The following SIPA1L3 variants were observed in gnomAD, a reference collection of about 807,000 sequenced individuals.
The protein encoded by SIPA1L3 is signal-induced proliferation-associated 1-like protein 3.
In SIPA1L3, 59 loss-of-function variants were observed where a neutral mutation model predicts 150.1. That is an observed-to-expected ratio of 0.39 (90% CI 0.32 to 0.49). The LOEUF (loss-of-function observed/expected upper bound fraction) is 0.49. Ranked by LOEUF, SIPA1L3 falls within the 20% of genes least tolerant of loss-of-function variation. The probability of loss-of-function intolerance (pLI) is 0.86; values close to 1 mark genes in which losing one functional copy is unlikely to be tolerated. For synonymous variants in SIPA1L3, 1,070 were observed against 1,077.6 expected (o/e 0.99, Z 0.14); for missense variants, 2,211 against 2,489.5 (o/e 0.89, Z 2.38).
intron 15 of SIPA1L3, among the ~76,000 whole-genome samples, chr19:38,176,837 GGCACATGCCTGTAATCCCAGC>G (rs1269852366): frequency 1.3e-5 from 2 of 152,056 alleles, no homozygotes; most frequent in Non-Finnish European, 2.9e-5. Context: ...TGGGTGTGGT[GGCACATGCCTGTAATCCCAGC>G]TACTCGAGAG....
intron 18 of SIPA1L3, among the ~76,000 whole-genome samples, chr19:38,196,591 G>C (rs1448411419): frequency 6.6e-6 from 1 of 150,614 alleles, no homozygotes; most frequent in African/African-American, 2.4e-5. Flanking sequence ...TGGAGGTCAA[G>C]GGAGGAGCAT....
At chr19:38,112,393 T>A (rs530834033) in intron 8 of SIPA1L3, among the ~76,000 whole-genome samples, 6 of 152,230 alleles carry the variant, frequency 3.9e-5, no homozygotes, top group African/African-American at 1.4e-4. Context: ...TGGGGGGAGC[T>A]GCTTTCTCTT....
intron 15 of SIPA1L3, among the ~76,000 whole-genome samples, chr19:38,179,475 T>G (rs1972513061): frequency 6.6e-6 from 1 of 152,116 alleles, no homozygotes; most frequent in Admixed American, 6.6e-5. Flanking sequence ...TATAATTTAG[T>G]ATAACATTTG....
intron 1 of SIPA1L3, among the ~76,000 whole-genome samples, chr19:37,956,391 T>G (rs2046810800): frequency 6.6e-6 from 1 of 152,194 alleles, no homozygotes; most frequent in African/African-American, 2.4e-5. Flanking sequence ...CTTGATATGT[T>G]CTGGATAACA....
At chr19:38,086,323 C>A (rs149810166) in intron 3 of SIPA1L3, among the ~76,000 whole-genome samples, 1 of 151,936 alleles carries the variant, frequency 6.6e-6, no homozygotes, top group South Asian at 2.1e-4. Context: ...AGTACTCATC[C>A]TGGAGCTTTA....
chr19:38,135,781 C>T lies in SIPA1L3; in HGVS notation c.3143+5009C>T, dbSNP rs1189470850. On this transcript the variant is annotated intron_variant, in intron 10 of 21. Transcript: ENST00000222345. ...CAGGACTTGGGTGGTTTTTGTTGTT[C>T]TTCAAATGCAGAGGTGTGTAGCTGA... Among the ~76,000 whole-genome samples, 5 of 152,062 alleles carry T rather than the reference C, an allele frequency of 3.3e-5. No individual in the cohort carries two copies. In the East Asian group the frequency reaches 9.7e-4, roughly 30 times the overall value.
chr19:37,924,261 C>T (rs1270516898), intron 1 of SIPA1L3, among the ~76,000 whole-genome samples: 1 of 152,054 alleles, frequency 6.6e-6, no homozygotes, highest in African/African-American at 2.4e-5. Context: ...CCTAGGCCTC[C>T]ACAGGATCAT....
chr19:37,982,918 T>C (rs1023777412), intron 1 of SIPA1L3, among the ~76,000 whole-genome samples: 4 of 152,148 alleles, frequency 2.6e-5, no homozygotes, highest in Non-Finnish European at 4.4e-5. Flanking sequence ...CCTTACAGGT[T>C]CCTGTGGCCT....
At chr19:38,037,958 G>A (rs967490631) in intron 2 of SIPA1L3, among the ~76,000 whole-genome samples, 2 of 152,138 alleles carry the variant, frequency 1.3e-5, no homozygotes, top group African/African-American at 4.8e-5. Context: ...CACCTTCCAT[G>A]GTCAGAGGAT....
intron 18 of SIPA1L3, among the ~76,000 whole-genome samples, chr19:38,195,374 C>A (rs931710260): frequency 6.6e-6 from 1 of 152,210 alleles, no homozygotes; most frequent in South Asian, 2.1e-4. Context: ...CCCTCCCCTG[C>A]GCTCCCTTCC....
chr19:38,086,344 C>G (rs1037866893), intron 3 of SIPA1L3, among the ~76,000 whole-genome samples: 3 of 151,810 alleles, frequency 2.0e-5, no homozygotes, highest in Admixed American at 2.0e-4. Flanking sequence ...AAAAAAAAAG[C>G]CGTTTTCTTT....
intron 21 of SIPA1L3, 142 bp downstream of exon 21, chr19:38,204,350 G>C (rs928157858): frequency 6.5e-6 from 4 of 613,128 alleles, no homozygotes; most frequent in Non-Finnish European, 1.1e-5. Flanking sequence ...CATGGGTGAA[G>C]AGTAAACAGT....
At chr19:38,023,759 G>C (rs1007971477) in intron 1 of SIPA1L3, among the ~76,000 whole-genome samples, 2 of 152,190 alleles carry the variant, frequency 1.3e-5, no homozygotes, top group Non-Finnish European at 2.9e-5. Flanking sequence ...GAAAGGCCTG[G>C]CTGTCCCCCA....
intron 7 of SIPA1L3, 90 bp from the exon 8 acceptor site, chr19:38,110,133 GGGGT>G: frequency 8.1e-7 from 1 of 1,240,404 alleles, no homozygotes; most frequent in South Asian, 1.3e-5. Flanking sequence ...AGTGGGAATG[GGGGT>G]GGGTGGGGGG....
At chr19:37,975,478 A>C (rs1967053049) in intron 1 of SIPA1L3, among the ~76,000 whole-genome samples, 1 of 152,082 alleles carries the variant, frequency 6.6e-6, no homozygotes, top group African/African-American at 2.4e-5. Context: ...CCAGCACGTC[A>C]CAGTGTGTCC....
At chr19:38,199,774 C>G (rs1973044948) in intron 19 of SIPA1L3, 1 of 152,054 alleles carries the variant, frequency 6.6e-6, no homozygotes. Context: ...TTTTCCCTTG[C>G]AATTCACATA....
chr19:38,154,647 C>T (rs1434841418), intron 13 of SIPA1L3, among the ~76,000 whole-genome samples: 2 of 152,010 alleles, frequency 1.3e-5, no homozygotes, highest in Non-Finnish European at 2.9e-5. Context: ...GGGGTTTCAC[C>T]ATCTTGGCCA....
intron 1 of SIPA1L3, among the ~76,000 whole-genome samples, chr19:37,962,933 T>G (rs1338635423): frequency 6.6e-6 from 1 of 151,870 alleles, no homozygotes; most frequent in African/African-American, 2.4e-5. Context: ...CTGGGCTAAT[T>G]CTTTGGAGTT....
At chr19:37,926,684 C>G (rs557932711) in intron 1 of SIPA1L3, among the ~76,000 whole-genome samples, 16 of 152,230 alleles carry the variant, frequency 1.1e-4, no homozygotes, top group African/African-American at 3.9e-4. Flanking sequence ...GCACTGGCCT[C>G]GGTCCTGTGG....
Sources: allele counts gnomAD v4.1 joint callset (sites outside exome capture counted in the v4.1 genomes callset), GRCh38; gene constraint gnomAD v4.1.1; transcripts MANE v1.5; gene names NCBI Gene and HGNC (gene_info 2026-07-23, HGNC 2026-07-21).